The following CFH variants were observed in gnomAD, a reference collection of about 807,000 sequenced individuals.
CFH encodes complement factor H.
CFH carries 53 observed loss-of-function variants against 147.3 expected under a neutral mutation model. The observed-to-expected ratio is 0.36, with a 90% CI of 0.29 to 0.45. CFH has a LOEUF of 0.45. CFH is among the 20% of genes least tolerant of loss of function. CFH has a pLI of 1.00. For synonymous variants in CFH, 536 were observed against 489.4 expected (o/e 1.10, Z -1.26); for missense variants, 1,380 against 1,498.0 (o/e 0.92, Z 1.30).
intron 4 of CFH, among the ~76,000 whole-genome samples, chr1:196,676,739 T>C (rs1667470924): frequency 6.6e-6 from 1 of 152,040 alleles, no homozygotes; most frequent in African/African-American, 2.4e-5. Context: ...TCAAAAACTG[T>C]CAACTACAGA....
intron 11 of CFH, among the ~76,000 whole-genome samples, chr1:196,719,221 C>T (rs965023393): frequency 4.0e-5 from 6 of 151,886 alleles, no homozygotes; most frequent in Non-Finnish European, 8.8e-5. Context: ...GTTATTACCT[C>T]TATATAAATA....
intron 11 of CFH, among the ~76,000 whole-genome samples, chr1:196,721,536 T>C (rs1668998190): frequency 6.6e-6 from 1 of 152,002 alleles, no homozygotes; most frequent in Non-Finnish European, 1.5e-5. Context: ...TCTGAGGTTG[T>C]TGGGTGGAAT....
At chr1:196,681,174 T>G (rs959303016) in intron 6 of CFH, among the ~76,000 whole-genome samples, 3 of 151,872 alleles carry the variant, frequency 2.0e-5, no homozygotes, top group Non-Finnish European at 4.4e-5. Flanking sequence ...AAACCACTTA[T>G]TTTACATCAG....
At chr1:196,741,553 GGGTGAGGACACAAAGCCTAACCATATCA>G (rs1652809693) in intron 18 of CFH, 2 of 326,112 alleles carry the variant, frequency 6.1e-6, no homozygotes, top group Non-Finnish European at 1.2e-5. Context: ...GATGAGATTT[GGGTGAGGACACAAAGCCTAACCATATCA>G]GGTGGCAAGT....
At chr1:196,718,575 G>A (rs1269574129) in intron 11 of CFH, among the ~76,000 whole-genome samples, 1 of 152,038 alleles carries the variant, frequency 6.6e-6, no homozygotes, top group African/African-American at 2.4e-5. Context: ...AATTGAGAGG[G>A]GGAGGCTTAA....
chr1:196,719,107 A>G (rs1214556522), intron 11 of CFH, among the ~76,000 whole-genome samples: 2 of 152,066 alleles, frequency 1.3e-5, no homozygotes, highest in South Asian at 2.1e-4. Flanking sequence ...TTAACATTTC[A>G]CATATCTAGT....
intron 9 of CFH, among the ~76,000 whole-genome samples, chr1:196,693,508 T>A (rs1291921091): frequency 1.2e-4 from 18 of 152,070 alleles, no homozygotes. Flanking sequence ...AAAACCCAAG[T>A]AGACTATGTT....
chr1:196,689,927 C>T (rs1353815832), intron 8 of CFH, 136 bp from the exon 9 acceptor site: 5 of 1,023,670 alleles, frequency 4.9e-6, no homozygotes, highest in South Asian at 1.9e-5. Context: ...AACTTTAGTT[C>T]GTCTTCAGTT....
chr1:196,678,288 G>C (rs1162062644), intron 5 of CFH: 1 of 153,182 alleles, frequency 6.5e-6, no homozygotes, highest in Admixed American at 6.5e-5. Flanking sequence ...CTGTAAGCCA[G>C]GATTTTTTTA....
chr1:196,656,781 G>A (rs1453350145), intron 1 of CFH, among the ~76,000 whole-genome samples: 2 of 149,916 alleles, frequency 1.3e-5, no homozygotes, highest in Non-Finnish European at 3.0e-5. Flanking sequence ...ACTGGCATTA[G>A]AAATTAGCTA....
At chr1:196,722,669 A>T (rs968861609) in intron 11 of CFH, among the ~76,000 whole-genome samples, 1 of 152,172 alleles carries the variant, frequency 6.6e-6, no homozygotes, top group Non-Finnish European at 1.5e-5. Flanking sequence ...ATTTTCCTCA[A>T]AAAGGTTTTT....
At chr1:196,736,098 A>T (rs1669395869) in intron 15 of CFH, among the ~76,000 whole-genome samples, 1 of 152,062 alleles carries the variant, frequency 6.6e-6, no homozygotes, top group Non-Finnish European at 1.5e-5. Context: ...GATATTTCTG[A>T]TGTATCGCAG....
chr1:196,709,812 C>A (rs953600092), intron 9 of CFH, among the ~76,000 whole-genome samples: 1 of 151,986 alleles, frequency 6.6e-6, no homozygotes, highest in African/African-American at 2.4e-5. Flanking sequence ...AACCTAGCAA[C>A]ATACTGGTCA....
At chr1:196,717,971 G>A (rs970248019) in intron 11 of CFH, among the ~76,000 whole-genome samples, 1 of 152,078 alleles carries the variant, frequency 6.6e-6, no homozygotes, top group African/African-American at 2.4e-5. Context: ...ATGAGACATG[G>A]TCATCTGAGA....
intron 15 of CFH, 149 bp from the exon 16 acceptor site, chr1:196,736,675 T>C: frequency 6.7e-6 from 2 of 296,870 alleles, no homozygotes; most frequent in Non-Finnish European, 1.1e-5. Context: ...ACATCATAAT[T>C]AATATGTGAT....
intron 15 of CFH, among the ~76,000 whole-genome samples, chr1:196,735,961 G>A (rs1397187696): frequency 3.3e-5 from 5 of 151,900 alleles, no homozygotes; most frequent in Non-Finnish European, 5.9e-5. Context: ...AAAGCTTTAG[G>A]TGAAGTAGAG....
intron 7 of CFH, among the ~76,000 whole-genome samples, chr1:196,686,905 G>A (rs190078393): frequency 3.5e-4 from 53 of 152,076 alleles, no homozygotes; most frequent in African/African-American, 1.0e-3. Context: ...ATTATCAGAC[G>A]CATGACTTTA....
At chr1:196,692,897 C>T (rs12040718) in intron 9 of CFH, among the ~76,000 whole-genome samples, 36,243 of 68,954 alleles carry the variant, frequency 0.53, 11,556 homozygotes, top group East Asian at 0.9. Context: ...CTCCCTCCCT[C>T]CCTCCCTTCC....
At chr1:196,652,377 T>C (rs1453511785) in intron 1 of CFH, among the ~76,000 whole-genome samples, 2 of 151,954 alleles carry the variant, frequency 1.3e-5, no homozygotes, top group Non-Finnish European at 2.9e-5. Context: ...TCATCATAAT[T>C]ATATTTAATA....
Sources: allele counts gnomAD v4.1 joint callset (sites outside exome capture counted in the v4.1 genomes callset), GRCh38; gene constraint gnomAD v4.1.1; transcripts MANE v1.5; gene names NCBI Gene and HGNC (gene_info 2026-07-23, HGNC 2026-07-21).